The following PDCD1LG2 variants were observed in gnomAD, a reference collection of about 807,000 sequenced individuals.
PDCD1LG2 encodes the protein B7 dendritic cell molecule.
PDCD1LG2 carries 32 observed loss-of-function variants against 28.2 expected under a neutral mutation model. That is an observed-to-expected ratio of 1.13 (90% confidence interval 0.86 to 1.52). The LOEUF (loss-of-function observed/expected upper bound fraction) is 1.52. Among genes scored for constraint, PDCD1LG2 ranks in the 40% most tolerant of loss-of-function variants. The pLI is 0.00. For missense variants in PDCD1LG2, 385 were observed against 323.8 expected (o/e 1.19, Z -1.45); for synonymous variants, 116 against 120.2 (o/e 0.97, Z 0.23).
intron 3 of PDCD1LG2, among the ~76,000 whole-genome samples, chr9:5,545,445 A>G (rs1816170917): frequency 6.6e-6 from 1 of 152,260 alleles, no homozygotes; most frequent in African/African-American, 2.4e-5. Flanking sequence ...GACTGCTTCT[A>G]GAGGAAGTAG....
chr9:5,555,190 G>T (rs1356967023), intron 4 of PDCD1LG2, among the ~76,000 whole-genome samples: 1 of 152,092 alleles, frequency 6.6e-6, no homozygotes, highest in Non-Finnish European at 1.5e-5. Flanking sequence ...TGAGATGGGT[G>T]GATTGCTTGA....
chr9:5,531,076 C>T (rs944815549), intron 2 of PDCD1LG2, among the ~76,000 whole-genome samples: 2 of 152,204 alleles, frequency 1.3e-5, no homozygotes, highest in African/African-American at 4.8e-5. Flanking sequence ...TTTAATGATG[C>T]TGACCTCATC....
intron 1 of PDCD1LG2, among the ~76,000 whole-genome samples, chr9:5,514,701 T>A (rs951082648): frequency 6.2e-5 from 9 of 145,042 alleles, no homozygotes; most frequent in African/African-American, 2.3e-4. Context: ...GAGGCTGCAG[T>A]GCTCTATGAT....
chr9:5,549,525 ACC>A lies in PDCD1LG2; in HGVS notation c.556_557del (p.Pro186TrpfsTer22). The A allele has an allele frequency of 6.2e-7, 1 of 1,613,832 alleles. No homozygotes were observed. Among genetic ancestry groups the A allele is most frequent in the Non-Finnish European group, 8.5e-7 (1 of 1,179,964 alleles). ...TCACCAGTGTTCTGCGCCTAAAGCC[ACC>A]CCCTGGCAGAAACTTCAGCTGTGTG... ...QVTSVLRLKPPPGRNFSCVFW... is the reference protein window; with the variant it reads ...QVTSVLRLKPXPGRNFSCVFW... On this transcript the variant is annotated frameshift_variant, in exon 4 of 7. Transcript: ENST00000397747. LOFTEE classifies it high-confidence loss of function.
intron 5 of PDCD1LG2, 35 bp from the exon 6 acceptor site, chr9:5,563,127 A>T (rs2129946294): frequency 3.9e-6 from 6 of 1,522,960 alleles, no homozygotes; most frequent in Non-Finnish European, 5.5e-6. Flanking sequence ...TTTTCTCATT[A>T]ATCTTATTCC....
Position 5,569,992 on chromosome 9 carries a change from A to G in PDCD1LG2, c.*33A>G. ...GTCTTGGGAGCCAGGGTGACCTGAT[A>G]TGACATCTAAAGAAGCTTCTGGACT... On this transcript the variant is annotated 3_prime_UTR_variant, in exon 7 of 7. Transcript: ENST00000397747. The surrounding 1 kb of genome is among the most constrained non-coding windows in gnomAD (Gnocchi z 4.1). 2 of 1,613,836 alleles carry G rather than the reference A, an allele frequency of 1.2e-6. No individual in the cohort carries two copies. Among genetic ancestry groups the G allele is most frequent in the Non-Finnish European group, 1.7e-6 (2 of 1,179,734 alleles).
At chr9:5,537,594 C>G (rs918690139) in intron 3 of PDCD1LG2, among the ~76,000 whole-genome samples, 4 of 152,114 alleles carry the variant, frequency 2.6e-5, no homozygotes, top group Non-Finnish European at 4.4e-5. Flanking sequence ...ATGGATGAAG[C>G]TGGAAACCAT....
At chr9:5,538,949 C>G (rs924966025) in intron 3 of PDCD1LG2, among the ~76,000 whole-genome samples, 5 of 152,012 alleles carry the variant, frequency 3.3e-5, no homozygotes, top group African/African-American at 1.2e-4. Context: ...TTTATCATCT[C>G]AAATATTTAT....
chr9:5,563,985 T>C (rs1271906065), intron 6 of PDCD1LG2, among the ~76,000 whole-genome samples: 1 of 152,170 alleles, frequency 6.6e-6, no homozygotes, highest in Non-Finnish European at 1.5e-5. Context: ...CACAGCAACA[T>C]ATAGACTAGC....
At chr9:5,520,512 T>C (rs1413307062) in intron 1 of PDCD1LG2, among the ~76,000 whole-genome samples, 1 of 152,206 alleles carries the variant, frequency 6.6e-6, no homozygotes, top group East Asian at 1.9e-4. Flanking sequence ...CATCCAGTTG[T>C]CCCTGTACAA....
rs1013545743 is a variant in PDCD1LG2, at chr9:5,543,748, G to C, written c.362-5587G>C. On this transcript the variant is annotated intron_variant, in intron 3 of 6. Transcript: ENST00000397747. Reference sequence around the variant, plus strand: ...AACAGAAGGGTGTAAGAAAATCGGAGTCAAGAAAATGTCCTGAGCTCCGCC... The same window carrying C: ...AACAGAAGGGTGTAAGAAAATCGGACTCAAGAAAATGTCCTGAGCTCCGCC... 1.1e-4 allele frequency among the ~76,000 whole-genome samples: 17 copies of C among 152,072 alleles called. No individual in the cohort carries two copies. The East Asian group carries it at 3.3e-3, about 29-fold the overall frequency.
chr9:5,529,873 A>T (rs182670382), intron 2 of PDCD1LG2, among the ~76,000 whole-genome samples: 1 of 152,208 alleles, frequency 6.6e-6, no homozygotes, highest in African/African-American at 2.4e-5. Context: ...GTCTCCATGC[A>T]GTCCTCCTAC....
intron 5 of PDCD1LG2, among the ~76,000 whole-genome samples, chr9:5,562,105 C>T (rs1816576870): frequency 6.6e-6 from 1 of 152,132 alleles, no homozygotes; most frequent in South Asian, 2.1e-4. Context: ...GGACTGATTT[C>T]AGGAACCCAG....
chr9:5,516,732 C>A (rs1263878970), intron 1 of PDCD1LG2, among the ~76,000 whole-genome samples: 1 of 152,228 alleles, frequency 6.6e-6, no homozygotes, highest in Non-Finnish European at 1.5e-5. Context: ...TGTGTCAGTA[C>A]CATCCTGAGC....
intron 4 of PDCD1LG2, among the ~76,000 whole-genome samples, chr9:5,550,787 G>A (rs753629915): frequency 7.9e-5 from 12 of 151,808 alleles, no homozygotes; most frequent in South Asian, 6.2e-4. Flanking sequence ...CCTGCCTCCC[G>A]GGTTCAAGCT....
chr9:5,539,132 A>G (rs1448335153), intron 3 of PDCD1LG2, among the ~76,000 whole-genome samples: 1 of 152,200 alleles, frequency 6.6e-6, no homozygotes, highest in African/African-American at 2.4e-5. Flanking sequence ...TTGTTTTACT[A>G]AAAAAATTCA....
At chr9:5,532,912 G>T (rs182810535) in intron 2 of PDCD1LG2, among the ~76,000 whole-genome samples, 3 of 152,294 alleles carry the variant, frequency 2.0e-5, no homozygotes, top group African/African-American at 4.8e-5. Flanking sequence ...GAGAGGTAGA[G>T]TTCAACCTCA....
chr9:5,543,301 AG>A (rs1414383853), intron 3 of PDCD1LG2, among the ~76,000 whole-genome samples: 5 of 152,116 alleles, frequency 3.3e-5, no homozygotes, highest in Non-Finnish European at 5.9e-5. Flanking sequence ...GCACTTTGGG[AG>A]GCCGAGGTGG....
At chr9:5,543,269 G>A (rs1024497258) in intron 3 of PDCD1LG2, among the ~76,000 whole-genome samples, 3 of 152,164 alleles carry the variant, frequency 2.0e-5, no homozygotes, top group African/African-American at 7.2e-5. Flanking sequence ...GCCAGGCGTG[G>A]TTGCTCACAC....
Sources: gnomAD v4.1 joint callset for allele counts (sites outside exome capture counted in the v4.1 genomes callset) on GRCh38, gnomAD v4.1.1 for gene constraint, Gnocchi (gnomAD v3.1) non-coding constraint, MANE v1.5 for transcripts, NCBI Gene and HGNC (gene_info 2026-07-23, HGNC 2026-07-21) for gene names.